Variants in PCDHGA6 observed in about 807,000 individuals in gnomAD.
The protein encoded by PCDHGA6 is protocadherin gamma subfamily A, 6.
In PCDHGA6, 41 loss-of-function variants were observed where a neutral mutation model predicts 60.6. The ratio of observed to expected loss-of-function variants is 0.68; its 90% CI spans 0.53 to 0.88. The LOEUF (loss-of-function observed/expected upper bound fraction) is 0.88. PCDHGA6 is among the 40% of genes least tolerant of loss of function. PCDHGA6 has a pLI of 0.00. For synonymous variants in PCDHGA6, 594 were observed against 524.4 expected, an observed-to-expected ratio of 1.13 and a Z score of -1.81; for missense variants, 1,312 against 1,203.0, an observed-to-expected ratio of 1.09 and a Z score of -1.34.
intron 1 of PCDHGA6, chr5:141,389,817 C>G: frequency 1.2e-6 from 2 of 1,613,870 alleles, no homozygotes; most frequent in Non-Finnish European, 1.7e-6. Context: ...GGTCGCCGTG[C>G]GTGACGGTGG....
Position 141,487,552 on chromosome 5 carries a change from A to C in PCDHGA6, c.2425-7255A>C. On this transcript the variant is annotated intron_variant, in intron 1 of 3. Coordinates refer to ENST00000517434, the MANE Select transcript of PCDHGA6 (RefSeq NM_018919.3). The surrounding 1 kb of genome is among the most constrained non-coding windows in gnomAD (Gnocchi z 5.0). ...TCATGATGGTGAAGTCACCCAGTGC[A>C]CCTATGGCAGGGGAGCCTGTTCGCC... is the stretch of plus-strand genomic sequence containing the variant. 2 of 1,614,116 alleles carry C rather than the reference A, an allele frequency of 1.2e-6. No homozygotes were observed. The highest frequency in any genetic ancestry group is 1.7e-6 in the Non-Finnish European group (2 of 1,180,024).
chr5:141,402,937 C>A, intron 1 of PCDHGA6: 2 of 1,588,498 alleles, frequency 1.3e-6, no homozygotes, highest in Non-Finnish European at 1.7e-6. Flanking sequence ...TGAGAAAATT[C>A]CAAAGCGAGG....
intron 1 of PCDHGA6, among the ~76,000 whole-genome samples, chr5:141,469,642 A>G (rs1339074059): frequency 2.0e-5 from 3 of 152,244 alleles, no homozygotes; most frequent in Admixed American, 6.5e-5. Flanking sequence ...AAATATTTTG[A>G]TGACATAATT....
intron 1 of PCDHGA6, among the ~76,000 whole-genome samples, chr5:141,430,322 C>G (rs1266324669): frequency 6.7e-6 from 1 of 150,364 alleles, no homozygotes; most frequent in Non-Finnish European, 1.5e-5. Flanking sequence ...AGATTAAAAT[C>G]ATTGTTTATA....
At chr5:141,508,760 T>A (rs1004267844) in intron 3 of PCDHGA6, among the ~76,000 whole-genome samples, 17 of 151,522 alleles carry the variant, frequency 1.1e-4, no homozygotes, top group Admixed American at 1.1e-3. Flanking sequence ...CTCTGGCGCC[T>A]CTGAGGTCCC....
rs768383792 is a variant in PCDHGA6 at position 141,476,155 on chromosome 5, C to A, written c.2425-18652C>A. 1.2e-6 allele frequency: 2 copies of A among 1,612,382 alleles called. No homozygotes were observed. Among genetic ancestry groups the A allele is most frequent in the Non-Finnish European group, 1.7e-6 (2 of 1,179,764 alleles). On this transcript the variant is annotated intron_variant, in intron 1 of 3. Coordinates refer to ENST00000517434, the MANE Select transcript of PCDHGA6 (RefSeq NM_018919.3). This position sits in a 1 kb window ranked among gnomAD's most constrained non-coding sequence, Gnocchi z 7.6. ...CCTGGAGGAGCGGACTGGTAAGCAC[C>A]GGGAGGGTAGTGGGAGTTTTGCTTC... is the stretch of plus-strand genomic sequence containing the variant.
rs1161188105 is a variant in PCDHGA6, at chr5:141,427,974, G to A, written c.2424+51467G>A. 9 of 1,594,458 alleles carry A rather than the reference G, an allele frequency of 5.6e-6. No individual in the cohort carries two copies. In the Admixed American group the frequency reaches 1.5e-4, roughly 27 times the overall value. ...CAATGTGCCGCGGGTGCTGTACCCC[G>A]CGCTGGGGCCCGATGGCTCCGCACT... On this transcript the variant is annotated intron_variant, in intron 1 of 3. Transcript: ENST00000517434.
At position 141,511,424 on chromosome 5, in the gene PCDHGA6, G is replaced by A. The variant is rs939906846; in HGVS notation, c.*251G>A. 10 of 810,392 alleles carry A rather than the reference G, an allele frequency of 1.2e-5. No homozygotes were observed. Among genetic ancestry groups the A allele is most frequent in the East Asian group, 3.0e-5 (1 of 33,800 alleles). The allele number at this position is 810,392 out of a possible 1,614,324, so 50.2% of individuals were successfully genotyped here. On this transcript the variant is annotated 3_prime_UTR_variant, in exon 4 of 4. Transcript: ENST00000517434. The stretch of plus-strand genomic sequence containing the variant: ...ATCAACTGCTGTACCCATGGGGGTA[G>A]TGGGGTTACTGTAGACACCAAGAAC...
At chr5:141,449,567 C>T (rs1412647192) in intron 1 of PCDHGA6, among the ~76,000 whole-genome samples, 2 of 133,846 alleles carry the variant, frequency 1.5e-5, no homozygotes, top group Non-Finnish European at 3.1e-5. Context: ...CCAGCCTGGG[C>T]GACAGAGCAA....
chr5:141,500,184 T>TTTTATTTATTTATTTATTTA (rs58019021), intron 2 of PCDHGA6, among the ~76,000 whole-genome samples: 1 of 135,886 alleles, frequency 7.4e-6, no homozygotes, highest in African/African-American at 2.7e-5. Flanking sequence ...TCATTTTTAT[T>TTTTATTTATTTATTTATTTA]TTTATTTATT....
At chr5:141,473,335 C>T (rs1243738475) in intron 1 of PCDHGA6, among the ~76,000 whole-genome samples, 3 of 152,184 alleles carry the variant, frequency 2.0e-5, no homozygotes, top group Non-Finnish European at 4.4e-5. Context: ...GCCTGCTGTG[C>T]TAGACAGTGA....
intron 1 of PCDHGA6, among the ~76,000 whole-genome samples, chr5:141,459,176 T>C (rs2098962762): frequency 6.6e-6 from 1 of 152,210 alleles, no homozygotes. Context: ...CTTCAAAAGT[T>C]CCCTCATGCC....
At position 141,432,718 on chromosome 5, in the gene PCDHGA6, T is replaced by C; in HGVS notation, c.2424+56211T>C. ...CCGTCCAGGACCACGGCCAGCCCCC[T>C]CTCTCCGCCACTGTCACGCTCACCG... On this transcript the variant is annotated intron_variant, in intron 1 of 3. Coordinates refer to ENST00000517434, the MANE Select transcript of PCDHGA6 (RefSeq NM_018919.3). This position sits in a 1 kb window ranked among gnomAD's most constrained non-coding sequence, Gnocchi z 6.0. 1 of 1,613,476 alleles carries C rather than the reference T, an allele frequency of 6.2e-7. No homozygotes were observed. The highest frequency in any genetic ancestry group is 8.5e-7 in the Non-Finnish European group (1 of 1,179,862).
chr5:141,500,641 TA>T (rs1306300025), intron 2 of PCDHGA6, among the ~76,000 whole-genome samples: 4 of 152,346 alleles, frequency 2.6e-5, no homozygotes, highest in Middle Eastern at 3.4e-3. Flanking sequence ...ACTAGTTTTT[TA>T]AAAATAGCAA....
At chr5:141,389,440 A>C (rs769871337) in intron 1 of PCDHGA6, 3 of 1,610,596 alleles carry the variant, frequency 1.9e-6, no homozygotes, top group Non-Finnish European at 2.5e-6. Context: ...CGCGCCTTCG[A>C]CCACGAGCAG....
In PCDHGA6 at chr5:141,432,446, C is replaced by T. The variant is rs765059815; in HGVS notation, c.2424+55939C>T. The T allele has an allele frequency of 1.2e-6, 2 of 1,614,256 alleles. No individual in the cohort carries two copies. Among genetic ancestry groups the T allele is most frequent in the Non-Finnish European group, 8.5e-7 (1 of 1,180,052 alleles). On this transcript the variant is annotated intron_variant, in intron 1 of 3. Transcript: ENST00000517434. The surrounding 1 kb of genome is among the most constrained non-coding windows in gnomAD (Gnocchi z 6.0). ...CCAGAACGACAATGCGCCCGAGATC[C>T]TGTACCCCGCCCTCCCCACGGACGG...
intron 1 of PCDHGA6, chr5:141,398,266 G>A: frequency 1.4e-6 from 2 of 1,439,368 alleles, no homozygotes; most frequent in Non-Finnish European, 1.9e-6. Flanking sequence ...GGGCTCCGTA[G>A]TGGGGAACCT....
chr5:141,418,606 T>A (rs1279991875), intron 1 of PCDHGA6: 1 of 1,614,030 alleles, frequency 6.2e-7, no homozygotes. Context: ...TGTACAGGGT[T>A]AGCCTTCGGG....
At chr5:141,430,811 A>G (rs1193066300) in intron 1 of PCDHGA6, 1 of 1,527,400 alleles carries the variant, frequency 6.5e-7, no homozygotes. Flanking sequence ...CCTGCTGGGA[A>G]TCCTCCTGGG....
Sources: gnomAD v4.1 joint callset for allele counts (sites outside exome capture counted in the v4.1 genomes callset) on GRCh38, gnomAD v4.1.1 for gene constraint, Gnocchi (gnomAD v3.1) non-coding constraint, MANE v1.5 for transcripts, NCBI Gene and HGNC (gene_info 2026-07-23, HGNC 2026-07-21) for gene names.